Variants in RABGAP1L observed in about 807,000 individuals in gnomAD.
The protein encoded by RABGAP1L is RAB GTPase activating protein 1 like.
RABGAP1L carries 63 observed loss-of-function variants against 137.7 expected under a neutral mutation model. The observed-to-expected ratio is 0.46, with a 90% CI of 0.37 to 0.56. The LOEUF is 0.56. Ranked by LOEUF, RABGAP1L falls within the 20% of genes least tolerant of loss-of-function variation. RABGAP1L has a pLI of 0.00. For synonymous variants in RABGAP1L, 431 were observed against 433.7 expected, an observed-to-expected ratio of 0.99 and a Z score of 0.08; for missense variants, 1,095 against 1,244.0, an observed-to-expected ratio of 0.88 and a Z score of 1.80.
intron 19 of RABGAP1L, among the ~76,000 whole-genome samples, chr1:174,894,396 T>C (rs1229821752): frequency 6.6e-6 from 1 of 152,256 alleles, no homozygotes; most frequent in African/African-American, 2.4e-5. Context: ...CAATTTGTTA[T>C]TGACTTGAAC....
At position 174,165,669 on chromosome 1, in the gene RABGAP1L, T is replaced by C. The variant is rs572699007; in HGVS notation, c.-34+6012T>C. On this transcript the variant is annotated intron_variant, in intron 1 of 25. Coordinates refer to ENST00000681986, the MANE Select transcript of RABGAP1L (RefSeq NM_001366446.1). ...CACACACCAACATGCTTGGCTAATT[T>C]TTCATTACTTGTAGAGACGGGGTCT... 9.9e-5 allele frequency among the ~76,000 whole-genome samples: 15 copies of C among 152,098 alleles called. 1 individual carries two copies. The East Asian group carries it at 2.7e-3, about 28-fold the overall frequency.
Position 174,590,454 on chromosome 1 carries a change from C to T in RABGAP1L, c.1711-46921C>T, listed in dbSNP as rs10465511. ...CATGCTGGTGCGCTGCACCCACTAA[C>T]GTGTCATCTAGCATTAGGTATATCT... On this transcript the variant is annotated intron_variant, in intron 13 of 25. Coordinates refer to ENST00000681986, the MANE Select transcript of RABGAP1L (RefSeq NM_001366446.1). Among the ~76,000 whole-genome samples, 825 of 110,888 alleles carry T rather than the reference C, an allele frequency of 7.4e-3. 11 individuals carry two copies. The highest frequency in any genetic ancestry group is 0.03 in the African/African-American group (787 of 25,986). 72.7% of individuals were successfully genotyped at this position (110,888 alleles called of 152,430 possible).
intron 13 of RABGAP1L, among the ~76,000 whole-genome samples, chr1:174,470,158 C>T (rs889999613): frequency 1.2e-4 from 19 of 152,108 alleles, no homozygotes; most frequent in South Asian, 2.1e-4. Flanking sequence ...CTCCCCATCT[C>T]GCAGAATAGA....
At chr1:174,722,038 T>C (rs948225555) in intron 17 of RABGAP1L, among the ~76,000 whole-genome samples, 1 of 152,236 alleles carries the variant, frequency 6.6e-6, no homozygotes, top group Non-Finnish European at 1.5e-5. Flanking sequence ...TTCAAGCGAT[T>C]CTTCTGCCAC....
At chr1:174,879,185 C>G (rs1653726280) in intron 19 of RABGAP1L, among the ~76,000 whole-genome samples, 1 of 151,620 alleles carries the variant, frequency 6.6e-6, no homozygotes, top group Non-Finnish European at 1.5e-5. Context: ...ACTGCAACCT[C>G]CGCCTCCCAT....
intron 1 of RABGAP1L, among the ~76,000 whole-genome samples, chr1:174,202,166 A>C (rs1469270440): frequency 6.6e-6 from 1 of 152,108 alleles, no homozygotes; most frequent in South Asian, 2.1e-4. Flanking sequence ...GTATATACCC[A>C]GTAATGGGAT....
intron 1 of RABGAP1L, among the ~76,000 whole-genome samples, chr1:174,218,414 G>A (rs1669501557): frequency 6.6e-6 from 1 of 152,118 alleles, no homozygotes; most frequent in African/African-American, 2.4e-5. Context: ...AGTTGTGTGA[G>A]TACATGAACT....
chr1:174,458,083 C>T (rs1393962946), intron 13 of RABGAP1L, among the ~76,000 whole-genome samples: 2 of 152,066 alleles, frequency 1.3e-5, no homozygotes, highest in Non-Finnish European at 2.9e-5. Flanking sequence ...TCTCCAAGAG[C>T]ACTTAGACTA....
chr1:174,649,606 G>A (rs983701492), intron 14 of RABGAP1L, among the ~76,000 whole-genome samples: 9 of 152,016 alleles, frequency 5.9e-5, no homozygotes, highest in African/African-American at 1.7e-4. Flanking sequence ...TGGGTAACCC[G>A]ACCTTTCACT....
chr1:174,228,287 A>T (rs1216959325), intron 3 of RABGAP1L, among the ~76,000 whole-genome samples: 3 of 151,992 alleles, frequency 2.0e-5, no homozygotes, highest in Admixed American at 2.0e-4. Context: ...ACCTCTTCAA[A>T]CAACTTCTTT....
chr1:174,922,259 G>T (rs1661946275), intron 19 of RABGAP1L: 1 of 156,486 alleles, frequency 6.4e-6, no homozygotes, highest in East Asian at 1.7e-4. Flanking sequence ...GAAGCGCATA[G>T]ACATCAAAGA....
intron 4 of RABGAP1L, 109 bp from the exon 5 acceptor site, chr1:174,241,374 A>T (rs1671810631): frequency 4.5e-6 from 3 of 674,112 alleles, no homozygotes. Flanking sequence ...ATATATTGTC[A>T]TAGTAAAACT....
chr1:174,258,163 T>A (rs1195866953), intron 7 of RABGAP1L, among the ~76,000 whole-genome samples: 1 of 152,220 alleles, frequency 6.6e-6, no homozygotes, highest in Non-Finnish European at 1.5e-5. Flanking sequence ...TCTATATTGG[T>A]AAAAGAAACA....
chr1:174,834,229 C>A (rs1046551473), intron 19 of RABGAP1L, among the ~76,000 whole-genome samples: 1 of 151,974 alleles, frequency 6.6e-6, no homozygotes, highest in Non-Finnish European at 1.5e-5. Flanking sequence ...GAGTTCAAGA[C>A]CAGCCTGACC....
In RABGAP1L at chr1:174,988,670, T is replaced by A. The variant is rs530946045; in HGVS notation, c.2835T>A (p.Ser945Arg). The change falls in exon 25 of 26, where the codon AGT becomes AGA. Residue 945 changes from serine (S) to arginine (R), a missense_variant. Coordinates refer to ENST00000681986, the MANE Select transcript of RABGAP1L (RefSeq NM_001366446.1). The stretch of plus-strand genomic sequence containing the variant: ...AGATGATGGCATGCAAACACTGCAG[T>A]GACATTTTCAGCAAGGAGGGTGCTT... The part of the protein sequence containing the change: ...KGKMMACKHC[S>R]DIFSKEGALK... 1.3e-6 allele frequency: 2 copies of A among 1,548,316 alleles called. No homozygotes were observed. Among genetic ancestry groups the A allele is most frequent in the East Asian group, 4.9e-5 (2 of 40,752 alleles).
intron 13 of RABGAP1L, among the ~76,000 whole-genome samples, chr1:174,489,691 A>G (rs1329348895): frequency 6.6e-6 from 1 of 152,204 alleles, no homozygotes; most frequent in Non-Finnish European, 1.5e-5. Flanking sequence ...ATATACCCAA[A>G]GGATTATAAA....
intron 9 of RABGAP1L, among the ~76,000 whole-genome samples, chr1:174,276,228 C>T (rs1412883746): frequency 6.6e-6 from 1 of 152,162 alleles, no homozygotes; most frequent in Non-Finnish European, 1.5e-5. Context: ...TAACCTCAAA[C>T]TGTCATGCTC....
At chr1:174,784,630 C>A (rs2148777310) in intron 18 of RABGAP1L, among the ~76,000 whole-genome samples, 1 of 152,296 alleles carries the variant, frequency 6.6e-6, no homozygotes, top group South Asian at 2.1e-4. Context: ...TCAAGCAAGA[C>A]TGGCCTGAGG....
chr1:174,166,468 C>G (rs1292696638), intron 1 of RABGAP1L, among the ~76,000 whole-genome samples: 4 of 152,118 alleles, frequency 2.6e-5, no homozygotes, highest in African/African-American at 9.7e-5. Context: ...ATACAAAATC[C>G]ACTTGTAAGG....
Sources: gnomAD v4.1 joint callset for allele counts (sites outside exome capture counted in the v4.1 genomes callset) on GRCh38, gnomAD v4.1.1 for gene constraint, MANE v1.5 for transcripts, NCBI Gene and HGNC (gene_info 2026-07-23, HGNC 2026-07-21) for gene names.